The following DHRSX variants were observed in gnomAD, a reference collection of about 807,000 sequenced individuals.
DHRSX encodes the protein polyprenol dehydrogenase.
DHRSX carries 31 observed loss-of-function variants against 34.0 expected under a neutral mutation model. The observed-to-expected ratio is 0.91, with a 90% CI of 0.69 to 1.23. DHRSX has a LOEUF of 1.23. DHRSX is among the 50% of genes most tolerant of loss of function. DHRSX has a pLI of 0.00. For missense variants in DHRSX, 414 were observed against 428.1 expected (o/e 0.97, Z 0.29); for synonymous variants, 201 against 183.8 (o/e 1.09, Z -0.76).
At chrX:2,293,331 A>G (rs1008614454) in intron 3 of DHRSX, among the ~76,000 whole-genome samples, 2 of 151,020 alleles carry the variant, frequency 1.3e-5, no homozygotes, top group Non-Finnish European at 1.5e-5. Context: ...TCACAGGTAT[A>G]TAATTCTGCC....
At chrX:2,359,188 G>A (rs2124584622) in intron 3 of DHRSX, among the ~76,000 whole-genome samples, 1 of 152,296 alleles carries the variant, frequency 6.6e-6, no homozygotes, top group Non-Finnish European at 1.5e-5. Flanking sequence ...GTAAGACAGT[G>A]TGGCCATTCC....
intron 1 of DHRSX, among the ~76,000 whole-genome samples, chrX:2,496,929 T>C (rs1453404189): frequency 6.7e-6 from 1 of 149,650 alleles, no homozygotes; most frequent in African/African-American, 2.4e-5. Context: ...ATATATTACA[T>C]ACATTTTTGT....
intron 2 of DHRSX, among the ~76,000 whole-genome samples, chrX:2,415,353 A>T (rs1180993742): frequency 1.3e-5 from 2 of 151,972 alleles, no homozygotes; most frequent in African/African-American, 4.8e-5. Flanking sequence ...AACCAACTAG[A>T]TCTCATCATA....
intron 3 of DHRSX, among the ~76,000 whole-genome samples, chrX:2,342,330 G>A (rs1415908636): frequency 6.6e-6 from 1 of 152,034 alleles, no homozygotes; most frequent in Non-Finnish European, 1.5e-5. Context: ...CATTGAGACA[G>A]AGCACACACC....
chrX:2,372,901 C>T (rs1252216322), intron 3 of DHRSX, among the ~76,000 whole-genome samples: 1 of 152,106 alleles, frequency 6.6e-6, no homozygotes, highest in Admixed American at 6.6e-5. Flanking sequence ...CGTCAGCCAC[C>T]GCGCCTGGCT....
At position 2,311,061 on chromosome X, in the gene DHRSX, CAAA is replaced by C. The variant is rs33965542; in HGVS notation, c.287-19461_287-19459del. ...GAATGAGAAGAACAACACTCTGTGT[CAAA>C]AAAAAAAAAAAAGAGAGACAGAAGG... is the stretch of plus-strand genomic sequence containing the variant. On this transcript the variant is annotated intron_variant, in intron 3 of 6. Transcript: ENST00000334651. Among the ~76,000 whole-genome samples the C allele has an allele frequency of 2.4e-3, 311 of 130,962 alleles. 2 individuals are homozygous for C. Among genetic ancestry groups the C allele is most frequent in the Admixed American group, 2.8e-3 (37 of 12,988 alleles). The allele number at this position is 130,962 out of a possible 152,430, so 85.9% of individuals were successfully genotyped here. A position where few individuals can be genotyped will look rare whatever the true frequency, so the allele number is the denominator to read the frequency against.
intron 1 of DHRSX, among the ~76,000 whole-genome samples, chrX:2,432,159 A>C (rs2043934496): frequency 1.3e-5 from 2 of 151,918 alleles, no homozygotes; most frequent in South Asian, 4.2e-4. Flanking sequence ...ACGCCAGTGC[A>C]CTCCAGCCAG....
rs755012578 is a variant in DHRSX, at chrX:2,407,525, T to C, written c.286+1220A>G. Among the ~76,000 whole-genome samples the C allele has an allele frequency of 1.8e-3, 271 of 152,310 alleles. 2 individuals are homozygous for C. The highest frequency in any genetic ancestry group is 5.9e-3 in the African/African-American group (245 of 41,556). On this transcript the variant is annotated intron_variant, in intron 3 of 6. Transcript: ENST00000334651. ...TCTGAGGCCTAAGCAAACTAACTTA[T>C]CTAGATCAGTTTCTTTACATCCCCT...
At chrX:2,245,380 C>A in intron 5 of DHRSX, among the ~76,000 whole-genome samples, 2 of 152,062 alleles carry the variant, frequency 1.3e-5, no homozygotes, top group South Asian at 4.2e-4. Context: ...ACAATCTTGG[C>A]TCACTGCAAC....
At chrX:2,309,628 A>G (rs1371854667) in intron 3 of DHRSX, among the ~76,000 whole-genome samples, 1 of 152,168 alleles carries the variant, frequency 6.6e-6, no homozygotes, top group African/African-American at 2.4e-5. Context: ...GAAAATCATC[A>G]TGGCCAGGTG....
chrX:2,408,909 C>A, intron 2 of DHRSX, 96 bp from the exon 3 acceptor site: 1 of 1,088,038 alleles, frequency 9.2e-7, no homozygotes, highest in Non-Finnish European at 1.3e-6. Context: ...AGAAGTATAA[C>A]ACAAATCTGA....
intron 3 of DHRSX, among the ~76,000 whole-genome samples, chrX:2,314,230 G>A (rs73628295): frequency 2.2e-3 from 31 of 14,078 alleles, no homozygotes; most frequent in African/African-American, 0.011. Flanking sequence ...GGGAAGGAAG[G>A]GAGGGAGGGA....
At chrX:2,490,141 C>T in intron 1 of DHRSX, 1 of 1,613,956 alleles carries the variant, frequency 6.2e-7, no homozygotes, top group South Asian at 1.1e-5. Flanking sequence ...AGATGCCACA[C>T]CAGGTGGCCT....
chrX:2,247,578 C>T (rs367749902), intron 5 of DHRSX, among the ~76,000 whole-genome samples: 7 of 148,476 alleles, frequency 4.7e-5, no homozygotes, highest in East Asian at 2.0e-4. Flanking sequence ...GGCGTGAACC[C>T]GGGAGGCGGA....
chrX:2,484,000 A>G lies in DHRSX; in HGVS notation c.109+16817T>C, dbSNP rs188116773. Among the ~76,000 whole-genome samples, 309 of 152,286 alleles carry G rather than the reference A, an allele frequency of 2.0e-3. 1 individual carries two copies. Among genetic ancestry groups the G allele is most frequent in the African/African-American group, 7.1e-3 (294 of 41,572 alleles). ...CACGAAGTGGGAGTGGAATACACGGAGTCTCGCTCTTGTCGCCCAGGATGG... is the reference window on the plus strand; with the variant it reads ...CACGAAGTGGGAGTGGAATACACGGGGTCTCGCTCTTGTCGCCCAGGATGG... On this transcript the variant is annotated intron_variant, in intron 1 of 6. Transcript: ENST00000334651.
chrX:2,399,725 C>CAAAAAAAAAAAAAAAAAAAAAAAA (rs779558142), intron 3 of DHRSX, among the ~76,000 whole-genome samples: 1 of 35,236 alleles, frequency 2.8e-5, no homozygotes. Flanking sequence ...AAACAAAAAG[C>CAAAAAAAAAAAAAAAAAAAAAAAA]AAAAAAAAAA....
At chrX:2,328,113 C>A (rs2042410931) in intron 3 of DHRSX, among the ~76,000 whole-genome samples, 1 of 149,290 alleles carries the variant, frequency 6.7e-6, no homozygotes, top group South Asian at 2.1e-4. Flanking sequence ...AGGACACAGA[C>A]ACACAGAGTG....
intron 3 of DHRSX, among the ~76,000 whole-genome samples, chrX:2,298,618 A>ACGCACGCG (rs2041969399): frequency 7.4e-6 from 1 of 135,360 alleles, no homozygotes; most frequent in African/African-American, 3.8e-5. Flanking sequence ...ACACACACAC[A>ACGCACGCG]CACACACACA....
intron 3 of DHRSX, among the ~76,000 whole-genome samples, chrX:2,350,412 G>T (rs943973645): frequency 1.3e-5 from 2 of 152,128 alleles, no homozygotes; most frequent in Admixed American, 1.3e-4. Flanking sequence ...TTAAAAAGAA[G>T]GGAATTCTGT....
Sources: gnomAD v4.1 joint callset for allele counts (sites outside exome capture counted in the v4.1 genomes callset) on GRCh38, gnomAD v4.1.1 for gene constraint, MANE v1.5 for transcripts, NCBI Gene and HGNC (gene_info 2026-07-23, HGNC 2026-07-21) for gene names.